The following CLVS2 variants were observed in gnomAD, a reference collection of about 807,000 sequenced individuals.
CLVS2 encodes the protein clavesin-2.
A neutral mutation model predicts 29.0 loss-of-function variants in CLVS2; 19 were observed. The ratio of observed to expected loss-of-function variants is 0.66; its 90% CI spans 0.46 to 0.96. CLVS2 has a LOEUF of 0.96. Ranked by LOEUF, CLVS2 falls within the 40% of genes least tolerant of loss-of-function variation. CLVS2 has a pLI of 0.00. For missense variants in CLVS2, 294 were observed against 404.1 expected (o/e 0.73, Z 2.34); for synonymous variants, 161 against 151.3 (o/e 1.06, Z -0.47).
intron 2 of CLVS2, among the ~76,000 whole-genome samples, chr6:123,000,427 C>G (rs1231348592): frequency 6.6e-6 from 1 of 152,044 alleles, no homozygotes. Context: ...CTCTATAAAC[C>G]TTTATCACTG....
intron 4 of CLVS2, among the ~76,000 whole-genome samples, chr6:123,054,842 A>C (rs1772670505): frequency 6.6e-6 from 1 of 151,554 alleles, no homozygotes; most frequent in Non-Finnish European, 1.5e-5. Context: ...TTTTTAAAGC[A>C]CTATTTAGGA....
rs1269345042 is a variant in CLVS2 at position 123,065,300 on chromosome 6, A to G, written c.*1539A>G. On this transcript the variant is annotated 3_prime_UTR_variant, in exon 6 of 6. Transcript: ENST00000275162. Reference sequence around the variant, plus strand: ...TACCATTAAAGTATTCTTTTGGAAGAAAAATATCTCAGAAACTCTTGGAAA... The same window carrying G: ...TACCATTAAAGTATTCTTTTGGAAGGAAAATATCTCAGAAACTCTTGGAAA... 1 of 151,870 alleles carries G rather than the reference A, an allele frequency of 6.6e-6. No individual in the cohort carries two copies. Among genetic ancestry groups the G allele is most frequent in the Non-Finnish European group, 1.5e-5 (1 of 67,818 alleles). The allele number at this position is 151,870 out of a possible 1,614,324, so 9.4% of individuals were successfully genotyped here.
At chr6:123,038,660 T>G (rs1775187608) in intron 3 of CLVS2, among the ~76,000 whole-genome samples, 1 of 152,136 alleles carries the variant, frequency 6.6e-6, no homozygotes, top group Admixed American at 6.5e-5. Context: ...TTTAAATAAA[T>G]TATTTTTTCC....
chr6:123,027,084 T>G (rs1183553790), intron 3 of CLVS2, among the ~76,000 whole-genome samples: 1 of 152,148 alleles, frequency 6.6e-6, no homozygotes, highest in East Asian at 1.9e-4. Context: ...GAGTCTAGGC[T>G]GTCTGATGTG....
intron 3 of CLVS2, among the ~76,000 whole-genome samples, chr6:123,034,998 G>A (rs1184636390): frequency 6.6e-6 from 1 of 152,138 alleles, no homozygotes; most frequent in Non-Finnish European, 1.5e-5. Flanking sequence ...CCAATACAGA[G>A]TATCGCAGGC....
chr6:123,047,161 C>T (rs1772526047), intron 3 of CLVS2, among the ~76,000 whole-genome samples: 1 of 151,944 alleles, frequency 6.6e-6, no homozygotes, highest in African/African-American at 2.4e-5. Flanking sequence ...CTATGACTCC[C>T]ATATCCAGGT....
rs1382558828 is a variant in CLVS2, at chr6:123,048,610, A to G, written c.565-12A>G. 1.3e-6 allele frequency: 2 copies of G among 1,577,986 alleles called. No individual in the cohort carries two copies. Among genetic ancestry groups the G allele is most frequent in the Non-Finnish European group, 1.7e-6 (2 of 1,148,272 alleles). The stretch of plus-strand genomic sequence containing the variant: ...GCATATTTTGATTGTTTTTTTCTCC[A>G]TGTTACTCTAGGATAGTTTCCCAGC... On this transcript the variant is annotated splice_polypyrimidine_tract_variant and intron_variant, in intron 3 of 5. Coordinates refer to ENST00000275162, the MANE Select transcript of CLVS2 (RefSeq NM_001010852.4).
chr6:123,003,522 G>A (rs1001508974), intron 2 of CLVS2, among the ~76,000 whole-genome samples: 3 of 152,090 alleles, frequency 2.0e-5, no homozygotes, highest in Non-Finnish European at 2.9e-5. Flanking sequence ...TCCTGTATGT[G>A]GGATCGTTAT....
intron 3 of CLVS2, among the ~76,000 whole-genome samples, chr6:123,019,505 T>G (rs1453133312): frequency 6.6e-6 from 1 of 152,076 alleles, no homozygotes; most frequent in African/African-American, 2.4e-5. Context: ...AGGCGATTTC[T>G]ATTTTTTTGT....
chr6:123,012,194 T>C (rs1774758258), intron 3 of CLVS2, among the ~76,000 whole-genome samples: 1 of 151,980 alleles, frequency 6.6e-6, no homozygotes, highest in African/African-American at 2.4e-5. Context: ...ACAATGCTTT[T>C]TAAAAACCTC....
chr6:123,019,954 A>T (rs1774896357), intron 3 of CLVS2, among the ~76,000 whole-genome samples: 1 of 106,776 alleles, frequency 9.4e-6, no homozygotes, highest in Non-Finnish European at 1.9e-5. Context: ...AATTAGAGTG[A>T]GACTCTTACT....
At chr6:123,026,459 G>A (rs776570789) in intron 3 of CLVS2, among the ~76,000 whole-genome samples, 9 of 152,044 alleles carry the variant, frequency 5.9e-5, no homozygotes, top group Non-Finnish European at 1.2e-4. Context: ...AATAATATTA[G>A]CATACTTTGA....
intron 3 of CLVS2, among the ~76,000 whole-genome samples, chr6:123,028,555 A>G (rs1452650271): frequency 2.6e-5 from 4 of 152,182 alleles, no homozygotes; most frequent in African/African-American, 9.7e-5. Flanking sequence ...CATTCAGAGC[A>G]TGCTAGTGTA....
chr6:123,023,501 A>G (rs146394183), intron 3 of CLVS2, among the ~76,000 whole-genome samples: 65 of 152,194 alleles, frequency 4.3e-4, no homozygotes, highest in African/African-American at 1.5e-3. Flanking sequence ...AAGGTTATTT[A>G]TAACCTAATT....
chr6:123,019,733 G>T (rs114216143), intron 3 of CLVS2, among the ~76,000 whole-genome samples: 2 of 152,002 alleles, frequency 1.3e-5, no homozygotes, highest in Non-Finnish European at 2.9e-5. Context: ...TATATAAGGC[G>T]ATTTATTATA....
intron 2 of CLVS2, among the ~76,000 whole-genome samples, chr6:123,008,556 A>G (rs1182461389): frequency 1.3e-5 from 2 of 152,304 alleles, no homozygotes; most frequent in East Asian, 3.9e-4. Context: ...TTTGGTATTA[A>G]TGCTATTTGA....
chr6:123,017,286 C>T (rs1384635571), intron 3 of CLVS2, among the ~76,000 whole-genome samples: 3 of 151,990 alleles, frequency 2.0e-5, no homozygotes, highest in East Asian at 3.9e-4. Context: ...TAGCAGAAAC[C>T]TCTTGTTTAC....
chr6:123,045,824 G>A lies in CLVS2; in HGVS notation c.565-2798G>A, dbSNP rs1447677747. ...TGGACCCAGGCTTTTGCTAGTGATG[G>A]CAGAGAGTGGGCTTTTATGAGTGAG... On this transcript the variant is annotated intron_variant, in intron 3 of 5. Transcript: ENST00000275162. Among the ~76,000 whole-genome samples the A allele has an allele frequency of 3.3e-5, 5 of 152,164 alleles. No homozygotes were observed. In the East Asian group the frequency reaches 9.6e-4, roughly 29 times the overall value.
At chr6:123,061,783 G>A (rs1431093534) in intron 5 of CLVS2, among the ~76,000 whole-genome samples, 1 of 152,108 alleles carries the variant, frequency 6.6e-6, no homozygotes, top group East Asian at 1.9e-4. Flanking sequence ...GTATATTAGG[G>A]CAAATGCTTA....
Sources: gnomAD v4.1 joint callset for allele counts (sites outside exome capture counted in the v4.1 genomes callset) on GRCh38, gnomAD v4.1.1 for gene constraint, MANE v1.5 for transcripts, NCBI Gene and HGNC (gene_info 2026-07-23, HGNC 2026-07-21) for gene names.